The following ICE2 variants were observed in gnomAD, a reference collection of about 807,000 sequenced individuals.
The protein encoded by ICE2 is interactor of little elongation complex ELL subunit 2, also known as little elongation complex subunit 2.
A neutral mutation model predicts 105.4 loss-of-function variants in ICE2; 87 were observed. The ratio of observed to expected loss-of-function variants is 0.83; its 90% CI spans 0.69 to 0.99. The LOEUF (loss-of-function observed/expected upper bound fraction) is 0.99. Among genes scored for constraint, ICE2 ranks in the 50% least tolerant of loss-of-function variants. The pLI, the probability that ICE2 is intolerant of heterozygous loss-of-function variation, is 0.00. For missense variants in ICE2, 1,323 were observed against 1,146.7 expected, an observed-to-expected ratio of 1.15 and a Z score of -2.22; for synonymous variants, 399 against 392.0, an observed-to-expected ratio of 1.02 and a Z score of -0.21.
intron 13 of ICE2, among the ~76,000 whole-genome samples, chr15:60,433,313 C>T (rs1232927023): frequency 6.6e-6 from 1 of 151,576 alleles, no homozygotes; most frequent in Non-Finnish European, 1.5e-5. Flanking sequence ...GGTCTCATCT[C>T]CTGACCTCAT....
rs2064484823 is a variant in ICE2, at chr15:60,468,219, T to C, written c.250A>G (p.Met84Val). 6.2e-7 allele frequency: 1 copy of C among 1,614,048 alleles called. No individual in the cohort carries two copies. The highest frequency in any genetic ancestry group is 1.1e-5 in the South Asian group (1 of 91,082). Residue 84 changes from methionine to valine, a missense_variant, in exon 4 of 16, where the codon ATG (methionine) becomes GTG (valine). By Grantham distance (21) the Met-to-Val change is conservative. Transcript: ENST00000261520. ...ACTCTTGGTTTTGGAAGAAGAACCA[T>C]TCCAATTGTGGTTTTAACTTTTTCC... is the stretch of plus-strand genomic sequence containing the variant. ...AKEKVKTTIG[M>V]VLLPKPRVPY...
At chr15:60,466,953 T>C (rs571948163) in intron 4 of ICE2, among the ~76,000 whole-genome samples, 2 of 152,366 alleles carry the variant, frequency 1.3e-5, no homozygotes, top group East Asian at 3.9e-4. Context: ...AACTGAGAAG[T>C]TGATTTTATA....
chr15:60,447,068 A>G (rs2063837966), intron 11 of ICE2, among the ~76,000 whole-genome samples: 1 of 152,228 alleles, frequency 6.6e-6, no homozygotes. Context: ...AATTTTTAAA[A>G]GAAGTAATTA....
At position 60,456,665 on chromosome 15, in the gene ICE2, G is replaced by A; in HGVS notation, c.658C>T (p.Leu220Phe). ...CTGATAATAAACCTTACCAATGCGAGAAGAGTTTTTTCTAACTTTAATCCC... is the reference window on the plus strand; with the variant it reads ...CTGATAATAAACCTTACCAATGCGAAAAGAGTTTTTTCTAACTTTAATCCC... ...EMGLKLEKTL[L>F]ALGSVKYVKT... Residue 220 changes from leucine (L) to phenylalanine (F), a missense_variant, in exon 6 of 16, where the codon CTC becomes TTC. Physicochemically the swap from Leu to Phe is conservative, Grantham distance 22. Coordinates refer to ENST00000261520, the MANE Select transcript of ICE2 (RefSeq NM_024611.6). 6.3e-7 allele frequency: 1 copy of A among 1,583,552 alleles called. No homozygotes were observed. Among genetic ancestry groups the A allele is most frequent in the Non-Finnish European group, 8.6e-7 (1 of 1,167,902 alleles).
intron 10 of ICE2, among the ~76,000 whole-genome samples, 179 bp downstream of exon 10, chr15:60,448,669 A>G (rs138050171): frequency 3.5e-4 from 54 of 152,338 alleles, no homozygotes; most frequent in Admixed American, 7.2e-4. Flanking sequence ...CTTTGTATAC[A>G]TATCTAGAGA....
At chr15:60,457,227 GAAATGTTATAACTAATCC>G (rs1447996418) in intron 5 of ICE2, among the ~76,000 whole-genome samples, 5 of 152,072 alleles carry the variant, frequency 3.3e-5, no homozygotes, top group Non-Finnish European at 7.4e-5. Flanking sequence ...AAATCAATGA[GAAATGTTATAACTAATCC>G]AAATGATGGA....
At position 60,453,568 on chromosome 15, in the gene ICE2, C is replaced by T. The variant is rs768677460; in HGVS notation, c.1125+35G>A. 25 of 1,603,234 alleles carry T rather than the reference C, an allele frequency of 1.6e-5. No individual in the cohort carries two copies. The Admixed American group carries it at 2.9e-4, about 19-fold the overall frequency. On this transcript the variant is annotated intron_variant, in intron 9 of 15. Coordinates refer to ENST00000261520, the MANE Select transcript of ICE2 (RefSeq NM_024611.6). Reference sequence around the variant, plus strand: ...TATGCTTCAAAAGGATAAACAAGTACATTCCCCTTAGGGGAAAAAAAAAGC... The same window carrying T: ...TATGCTTCAAAAGGATAAACAAGTATATTCCCCTTAGGGGAAAAAAAAAGC...
At position 60,446,517 on chromosome 15, in the gene ICE2, T is replaced by A. The variant is rs2063825774; in HGVS notation, c.2295+1453A>T. On this transcript the variant is annotated intron_variant, in intron 11 of 15. Coordinates refer to ENST00000261520, the MANE Select transcript of ICE2 (RefSeq NM_024611.6). ...TTCACGCCATTCTCCAGCCTCAGCC[T>A]CCCACGTAGCTGGGACTACAGGCGC... Among the ~76,000 whole-genome samples, 3 of 152,182 alleles carry A rather than the reference T, an allele frequency of 2.0e-5. No homozygotes were observed. The South Asian group carries it at 6.2e-4, about 32-fold the overall frequency.
At position 60,468,149 on chromosome 15, in the gene ICE2, C is replaced by T; in HGVS notation, c.320G>A (p.Ser107Asn). The T allele has an allele frequency of 6.2e-7, 1 of 1,614,092 alleles. No individual in the cohort carries two copies. ...GTATTTAACCAACAAGTCCACATAA[C>T]TCCTCTGCTCTCTCTGTGAGAAACG... ...FSRFSQREQR[S>N]YVDLLVKYAK... The change falls in exon 4 of 16, where the codon AGT becomes AAT. Residue 107 changes from serine (S) to asparagine (N), a missense_variant. Coordinates refer to ENST00000261520, the MANE Select transcript of ICE2 (RefSeq NM_024611.6).
At chr15:60,455,819 T>C (rs752435677) in intron 6 of ICE2, among the ~76,000 whole-genome samples, 1 of 152,094 alleles carries the variant, frequency 6.6e-6, no homozygotes, top group Non-Finnish European at 1.5e-5. Flanking sequence ...GGTTTCGTCA[T>C]ATTGGCCAGG....
At position 60,423,404 on chromosome 15, in the gene ICE2, C is replaced by T; in HGVS notation, c.*230G>A. 6.2e-6 allele frequency: 2 copies of T among 321,356 alleles called. No homozygotes were observed. Among genetic ancestry groups the T allele is most frequent in the Admixed American group, 4.6e-5 (1 of 21,602 alleles). The allele number at this position is 321,356 out of a possible 1,614,324, so 19.9% of individuals were successfully genotyped here. A position where few individuals can be genotyped will look rare whatever the true frequency, so the allele number is the denominator to read the frequency against. ...TTTTCTTCTTTATATATTTCCCTGC[C>T]ATGATAATGTTAAAACATATCAAGA... On this transcript the variant is annotated 3_prime_UTR_variant, in exon 16 of 16. Coordinates refer to ENST00000261520, the MANE Select transcript of ICE2 (RefSeq NM_024611.6).
Position 60,423,393 on chromosome 15 carries a change from T to A in ICE2, c.*241A>T. ...TGTAAAAATATTTTTCTTCTTTATA[T>A]ATTTCCCTGCCATGATAATGTTAAA... On this transcript the variant is annotated 3_prime_UTR_variant, in exon 16 of 16. Coordinates refer to ENST00000261520, the MANE Select transcript of ICE2 (RefSeq NM_024611.6). 3.4e-6 allele frequency: 1 copy of A among 291,024 alleles called. No homozygotes were observed. The highest frequency in any genetic ancestry group is 6.4e-6 in the Non-Finnish European group (1 of 157,176). The allele number at this position is 291,024 out of a possible 1,614,324, so 18.0% of individuals were successfully genotyped here.
chr15:60,465,399 C>T (rs139767888), intron 5 of ICE2, among the ~76,000 whole-genome samples: 4 of 152,218 alleles, frequency 2.6e-5, no homozygotes, highest in Admixed American at 1.3e-4. Context: ...TTATGTTGCC[C>T]AGGTTAGTTT....
intron 5 of ICE2, 127 bp from the exon 6 acceptor site, chr15:60,456,921 C>G (rs972908628): frequency 2.4e-6 from 1 of 419,794 alleles, no homozygotes; most frequent in Non-Finnish European, 4.3e-6. Context: ...AATCAAGCTA[C>G]TAATACACAC....
Position 60,444,739 on chromosome 15 carries a change from C to T in ICE2, c.2296-2194G>A, listed in dbSNP as rs566150103. On this transcript the variant is annotated intron_variant, in intron 11 of 15. Transcript: ENST00000261520. ...CACTCTTGTTGTCTAGGCTGGAGTA[C>T]AATGACGCAATCTCAGCTCACTGCA... 1.2e-4 allele frequency among the ~76,000 whole-genome samples: 19 copies of T among 152,164 alleles called. 1 individual carries two copies. Among genetic ancestry groups the T allele is most frequent in the African/African-American group, 4.3e-4 (18 of 41,510 alleles).
chr15:60,478,792 G>C (rs892609465), intron 1 of ICE2: 2 of 365,600 alleles, frequency 5.5e-6, no homozygotes, highest in Admixed American at 3.2e-5. Context: ...AAACGGCTGA[G>C]GGAAAGGGGA....
chr15:60,441,180 A>G (rs1315352435), intron 12 of ICE2: 1 of 152,210 alleles, frequency 6.6e-6, no homozygotes, highest in African/African-American at 2.4e-5. Flanking sequence ...TTGGAGGAAC[A>G]TTGAAATTTT....
In ICE2 at chr15:60,419,948, G is replaced by A. The variant is rs2063225941; in HGVS notation, c.*3686C>T. 1 of 152,212 alleles carries A rather than the reference G, an allele frequency of 6.6e-6. No homozygotes were observed. Among genetic ancestry groups the A allele is most frequent in the South Asian group, 2.1e-4 (1 of 4,830 alleles). 9.4% of individuals were successfully genotyped at this position (152,212 alleles called of 1,614,324 possible). A position where few individuals can be genotyped will look rare whatever the true frequency, so the allele number is the denominator to read the frequency against. Reference sequence around the variant, plus strand: ...AGGGTGGAGCTTAAGTGTGGGCTTAGCGACTTACTAATCCTTCAGATGACT... The same window carrying A: ...AGGGTGGAGCTTAAGTGTGGGCTTAACGACTTACTAATCCTTCAGATGACT... On this transcript the variant is annotated 3_prime_UTR_variant, in exon 16 of 16. Coordinates refer to ENST00000261520, the MANE Select transcript of ICE2 (RefSeq NM_024611.6).
intron 9 of ICE2, chr15:60,453,222 G>A (rs2141078766): frequency 9.9e-7 from 1 of 1,005,096 alleles, no homozygotes; most frequent in African/African-American, 1.7e-5. Flanking sequence ...GCAGGGTGAG[G>A]TTCCATCTCA....
Sources: gnomAD v4.1 joint callset for allele counts (sites outside exome capture counted in the v4.1 genomes callset) on GRCh38, gnomAD v4.1.1 for gene constraint, MANE v1.5 for transcripts, NCBI Gene and HGNC (gene_info 2026-07-23, HGNC 2026-07-21) for gene names.